KIAA1549L: variants seen among roughly 807,000 people sequenced by gnomAD.
The protein encoded by KIAA1549L is UPF0606 protein KIAA1549L.
A neutral mutation model predicts 160.7 loss-of-function variants in KIAA1549L; 88 were observed. The ratio of observed to expected loss-of-function variants is 0.55; its 90% CI spans 0.46 to 0.65. The LOEUF is 0.65. Ranked by LOEUF, KIAA1549L falls within the 30% of genes least tolerant of loss-of-function variation. The probability of loss-of-function intolerance (pLI) is 0.00; values close to 1 mark genes in which losing one functional copy is unlikely to be tolerated. For missense variants in KIAA1549L, 2,258 were observed against 2,437.5 expected (o/e 0.93, Z 1.55); for synonymous variants, 950 against 976.7 (o/e 0.97, Z 0.51).
chr11:33,607,863 T>TA (rs1335870137), intron 14 of KIAA1549L, among the ~76,000 whole-genome samples: 1 of 152,196 alleles, frequency 6.6e-6, no homozygotes, highest in African/African-American at 2.4e-5. Context: ...ATGTGATGGG[T>TA]AAACCTTCAT....
At position 33,646,022 on chromosome 11, in the gene KIAA1549L, A is replaced by G; in HGVS notation, c.5746A>G (p.Ser1916Gly). 1 of 1,578,904 alleles carries G rather than the reference A, an allele frequency of 6.3e-7. No homozygotes were observed. The highest frequency in any genetic ancestry group is 1.3e-5 in the African/African-American group (1 of 74,230). ...PTYRPEMYQY[S>G]LPRPAYRFSQ... ...CTACCGCCCAGAAATGTATCAGTACAGTCTGCCCCGGCCGGTAAGTCATTC... is the reference window on the plus strand; with the variant it reads ...CTACCGCCCAGAAATGTATCAGTACGGTCTGCCCCGGCCGGTAAGTCATTC... The change falls in exon 17 of 21, where the codon AGT becomes GGT. Residue 1916 changes from serine to glycine, a missense_variant. Transcript: ENST00000658780.
At chr11:33,469,741 G>A (rs763223770) in intron 1 of KIAA1549L, among the ~76,000 whole-genome samples, 2 of 152,120 alleles carry the variant, frequency 1.3e-5, no homozygotes, top group African/African-American at 4.8e-5. Context: ...GCTCATTTTG[G>A]TTTTGATTTG....
chr11:33,551,036 G>C lies in KIAA1549L; in HGVS notation c.3502-4G>C. Reference sequence around the variant, plus strand: ...TGGGTTTTGTGGGTCCATTTGTTTTGTAGGTGGACATTCTGGAATATTCTC... The same window carrying C: ...TGGGTTTTGTGGGTCCATTTGTTTTCTAGGTGGACATTCTGGAATATTCTC... On this transcript the variant is annotated splice_polypyrimidine_tract_variant and splice_region_variant and intron_variant, in intron 4 of 20. Transcript: ENST00000658780. 1 of 1,612,494 alleles carries C rather than the reference G, an allele frequency of 6.2e-7. No homozygotes were observed. Among genetic ancestry groups the C allele is most frequent in the Non-Finnish European group, 8.5e-7 (1 of 1,178,522 alleles).
intron 16 of KIAA1549L, among the ~76,000 whole-genome samples, chr11:33,634,997 A>G (rs1283148121): frequency 6.6e-6 from 1 of 152,100 alleles, no homozygotes; most frequent in East Asian, 1.9e-4. Context: ...CCAAGCCATT[A>G]TTTTGAACCC....
chr11:33,533,139 A>G (rs2615930), intron 1 of KIAA1549L, among the ~76,000 whole-genome samples: 105,990 of 152,082 alleles, frequency 0.7, 37,704 homozygotes, highest in African/African-American at 0.85. Context: ...AAGGGGAGCC[A>G]GATCAGTACA....
At chr11:33,379,417 C>A (rs938128488) in intron 1 of KIAA1549L, among the ~76,000 whole-genome samples, 2 of 152,142 alleles carry the variant, frequency 1.3e-5, no homozygotes, top group Non-Finnish European at 2.9e-5. Flanking sequence ...CTCCGTCTTC[C>A]GTCTTGCTTC....
chr11:33,556,672 A>T (rs903132703), intron 6 of KIAA1549L, among the ~76,000 whole-genome samples: 4 of 152,204 alleles, frequency 2.6e-5, no homozygotes, highest in African/African-American at 9.6e-5. Flanking sequence ...GATTCCACTT[A>T]TAAGAGGTAT....
chr11:33,389,357 G>T (rs1416379696), intron 1 of KIAA1549L, among the ~76,000 whole-genome samples: 2 of 152,194 alleles, frequency 1.3e-5, no homozygotes, highest in African/African-American at 4.8e-5. Context: ...TGACAGTGTG[G>T]CTTATAAGTT....
chr11:33,652,824 T>C (rs1851936215), intron 17 of KIAA1549L, among the ~76,000 whole-genome samples: 1 of 152,092 alleles, frequency 6.6e-6, no homozygotes, highest in Non-Finnish European at 1.5e-5. Flanking sequence ...CCTCAGGGGG[T>C]CATTAGACAG....
chr11:33,545,132 G>A lies in KIAA1549L; in HGVS notation c.3139G>A (p.Ala1047Thr), dbSNP rs1854198757. 6.2e-7 allele frequency: 1 copy of A among 1,613,828 alleles called. No homozygotes were observed. The highest frequency in any genetic ancestry group is 1.7e-5 in the Admixed American group (1 of 60,002). Reference protein sequence around the residue: ...STTYLPRKPQAMHTGLPNPTN... With the variant: ...STTYLPRKPQTMHTGLPNPTN... ...AACTTACCTCCCCAGGAAACCACAA[G>A]CCATGCACACCGGCCTCCCAAACCC... Residue 1047 changes from alanine (A) to threonine (T), a missense_variant, in exon 3 of 21, where the codon GCC becomes ACC. Ala to Thr is a moderately conservative substitution (Grantham distance 58, BLOSUM62 0). Transcript: ENST00000658780.
chr11:33,524,319 C>A (rs1162703863), intron 1 of KIAA1549L, among the ~76,000 whole-genome samples: 1 of 152,016 alleles, frequency 6.6e-6, no homozygotes, highest in African/African-American at 2.4e-5. Context: ...TAATGTCTTA[C>A]ACTTCTGTTC....
intron 1 of KIAA1549L, among the ~76,000 whole-genome samples, chr11:33,395,769 T>G (rs1254344771): frequency 6.6e-6 from 1 of 152,078 alleles, no homozygotes; most frequent in African/African-American, 2.4e-5. Context: ...TCTGATTAAA[T>G]TGGACTCAGT....
chr11:33,513,991 G>A (rs914393373), intron 1 of KIAA1549L, among the ~76,000 whole-genome samples: 8 of 152,216 alleles, frequency 5.3e-5, no homozygotes, highest in African/African-American at 1.9e-4. Flanking sequence ...ATATGGAGAA[G>A]CAGCTGTCTA....
chr11:33,526,064 T>G (rs1053735405), intron 1 of KIAA1549L, among the ~76,000 whole-genome samples: 1 of 151,986 alleles, frequency 6.6e-6, no homozygotes, highest in Non-Finnish European at 1.5e-5. Context: ...GCCGAAGACA[T>G]AAGGTCTTGG....
intron 1 of KIAA1549L, among the ~76,000 whole-genome samples, chr11:33,378,106 G>C (rs1232018409): frequency 6.6e-6 from 1 of 152,146 alleles, no homozygotes; most frequent in Non-Finnish European, 1.5e-5. Context: ...ATGTGTATTT[G>C]GCATAATTGT....
Position 33,618,662 on chromosome 11 carries a change from T to A in KIAA1549L, c.5409T>A (p.Asp1803Glu), listed in dbSNP as rs1177371529. The A allele has an allele frequency of 1.3e-6, 2 of 1,579,906 alleles. No homozygotes were observed. The highest frequency in any genetic ancestry group is 1.8e-5 in the Admixed American group (1 of 55,588). ...GTGGAATCCGCAACAGCGGATACGATGTGAGTCTCTGGTGGGCTGGGTAAA... is the reference window on the plus strand; with the variant it reads ...GTGGAATCCGCAACAGCGGATACGAAGTGAGTCTCTGGTGGGCTGGGTAAA... ...PRRGIRNSGY[D>E]TEPEIIEETN... The change falls in exon 16 of 21, where the codon GAT becomes GAA. Residue 1803 changes from aspartate (D) to glutamate (E), a missense_variant and splice_region_variant. Asp to Glu is a conservative substitution (Grantham distance 45). Around this residue, in one of 6 missense-constraint regions of KIAA1549L, gnomAD observed 1,359 missense variants for 1,546.6 expected, o/e 0.88. Transcript: ENST00000658780.
chr11:33,636,597 C>T (rs923634972), intron 16 of KIAA1549L, among the ~76,000 whole-genome samples: 1 of 152,136 alleles, frequency 6.6e-6, no homozygotes, highest in Non-Finnish European at 1.5e-5. Flanking sequence ...TCCCAAAGTT[C>T]TGGGATTACG....
rs1272195100 is a variant in KIAA1549L, at chr11:33,669,843, T to C, written c.*1689T>C. 6.6e-6 allele frequency: 1 copy of C among 152,242 alleles called. No homozygotes were observed. Among genetic ancestry groups the C allele is most frequent in the Non-Finnish European group, 1.5e-5 (1 of 68,042 alleles). The allele number at this position is 152,242 out of a possible 1,614,324, so 9.4% of individuals were successfully genotyped here. A position where few individuals can be genotyped will look rare whatever the true frequency, so the allele number is the denominator to read the frequency against. ...AACAAGTCTCTTGTTCGGATGATAA[T>C]AGGTAGTGTCCTTTTAGTATGCTGG... On this transcript the variant is annotated 3_prime_UTR_variant, in exon 21 of 21. Transcript: ENST00000658780.
chr11:33,445,691 A>C (rs907198659), intron 1 of KIAA1549L, among the ~76,000 whole-genome samples: 1 of 152,210 alleles, frequency 6.6e-6, no homozygotes, highest in African/African-American at 2.4e-5. Context: ...CAAGTTATTG[A>C]ATCTCTTTGT....
Sources: allele counts gnomAD v4.1 joint callset (sites outside exome capture counted in the v4.1 genomes callset), GRCh38; gene constraint gnomAD v4.1.1; regional missense constraint gnomAD v4.1.1; transcripts MANE v1.5; gene names NCBI Gene and HGNC (gene_info 2026-07-23, HGNC 2026-07-21).